The following RBFOX3 variants were observed in gnomAD, a reference collection of about 807,000 sequenced individuals.
RBFOX3 encodes the protein RNA binding fox-1 homolog 3, also known as RNA binding protein fox-1 homolog 3.
Under a neutral mutation model 48.7 loss-of-function variants are expected in RBFOX3, and 17 were observed. That is an observed-to-expected ratio of 0.35 (90% CI 0.24 to 0.52). The LOEUF (loss-of-function observed/expected upper bound fraction) is 0.52. Ranked by LOEUF, RBFOX3 falls within the 20% of genes least tolerant of loss-of-function variation. RBFOX3 has a pLI of 0.94. For synonymous variants in RBFOX3, 212 were observed against 209.5 expected (o/e 1.01, Z -0.10); for missense variants, 382 against 497.5 (o/e 0.77, Z 2.21).
the RBFOX3 span, among the ~76,000 whole-genome samples, chr17:79,651,461 C>T: frequency 5.9e-5 from 9 of 152,224 alleles, no homozygotes; most frequent in South Asian, 2.1e-4. Context: ...GTGACACCCC[C>T]GGGCCGTCCC....
rs1381110715 is a variant in RBFOX3 at position 79,205,894 on chromosome 17, C to T, written c.-34+29872G>A. ...CTTTTACATAGGAAGGACAGCAATA[C>T]ACATTTCCTATCTTGCTGCAAGGCT... On this transcript the variant is annotated intron_variant, in intron 4 of 14. Transcript: ENST00000693108. This position sits in a 1 kb window ranked among gnomAD's most constrained non-coding sequence, Gnocchi z 4.5. Among the ~76,000 whole-genome samples the T allele has an allele frequency of 6.7e-6, 1 of 149,998 alleles. No individual in the cohort carries two copies. Among genetic ancestry groups the T allele is most frequent in the Non-Finnish European group, 1.5e-5 (1 of 67,786 alleles).
intron 4 of RBFOX3, among the ~76,000 whole-genome samples, chr17:79,194,140 C>T (rs2055068334): frequency 6.6e-6 from 1 of 152,192 alleles, no homozygotes; most frequent in South Asian, 2.1e-4. Flanking sequence ...ATGTTGCTCT[C>T]CTTTCACATG....
chr17:79,180,795 C>T lies in RBFOX3; in HGVS notation c.-34+54971G>A, dbSNP rs148890625. On this transcript the variant is annotated intron_variant, in intron 4 of 14. Transcript: ENST00000693108. ...GTCCACCGAGACACATGGCCAACCA[C>T]CCCAGCAGAACAGCCGCGGGCGAGG... Among the ~76,000 whole-genome samples, 322 of 152,192 alleles carry T rather than the reference C, an allele frequency of 2.1e-3. 1 individual carries two copies. Among genetic ancestry groups the T allele is most frequent in the African/African-American group, 7.0e-3 (290 of 41,520 alleles).
chr17:79,147,377 A>T (rs776214513), intron 4 of RBFOX3, among the ~76,000 whole-genome samples: 1 of 152,232 alleles, frequency 6.6e-6, no homozygotes, highest in African/African-American at 2.4e-5. Context: ...ACTAGGGAAC[A>T]TCAGAGTTGG....
chr17:79,097,463 A>C (rs1045382162), intron 10 of RBFOX3, 39 bp from the exon 11 acceptor site: 4 of 1,506,230 alleles, frequency 2.7e-6, no homozygotes, highest in Non-Finnish European at 3.6e-6. Context: ...TGAGAGGCAC[A>C]AGGGGACCCA....
rs567855979 is a variant in RBFOX3 at position 79,206,690 on chromosome 17, C to G, written c.-34+29076G>C. 2.0e-5 allele frequency among the ~76,000 whole-genome samples: 3 copies of G among 152,284 alleles called. No individual in the cohort carries two copies. In the South Asian group the frequency reaches 6.2e-4, roughly 32 times the overall value. On this transcript the variant is annotated intron_variant, in intron 4 of 14. Coordinates refer to ENST00000693108, the MANE Select transcript of RBFOX3 (RefSeq NM_001350451.2). ...TCCAGGCCACCACTGCTCAGCTGTC[C>G]CCTGGCAGGAACAAACCTGAATGTG...
At chr17:79,571,530 C>A (rs931853548) in intron 1 of RBFOX3, among the ~76,000 whole-genome samples, 2 of 136,400 alleles carry the variant, frequency 1.5e-5, no homozygotes, top group African/African-American at 2.7e-5. Context: ...CCCCGCCCCC[C>A]CAACCACTCT....
intron 4 of RBFOX3, among the ~76,000 whole-genome samples, chr17:79,188,664 T>A (rs1402857066): frequency 6.6e-6 from 1 of 152,182 alleles, no homozygotes; most frequent in Non-Finnish European, 1.5e-5. Context: ...TGCCGCTCAC[T>A]CTGCTCCTTC....
chr17:79,651,380 A>G, the RBFOX3 span, among the ~76,000 whole-genome samples: 1 of 152,274 alleles, frequency 6.6e-6, no homozygotes, highest in African/African-American at 2.4e-5. Context: ...AACAGCAACC[A>G]AAACAACAGA....
At chr17:79,465,698 C>A (rs1420894228) in intron 2 of RBFOX3, among the ~76,000 whole-genome samples, 2 of 152,234 alleles carry the variant, frequency 1.3e-5, no homozygotes, top group Non-Finnish European at 2.9e-5. Flanking sequence ...GCCTGGAGGG[C>A]TCCCGTCGGG....
At chr17:79,097,667 A>ACCCCCCC in intron 10 of RBFOX3, 25 bp downstream of exon 10, 1 of 1,031,804 alleles carries the variant, frequency 9.7e-7, no homozygotes, top group Non-Finnish European at 1.3e-6. Context: ...GTCTCATCCC[A>ACCCCCCC]TCCCCGCCCC....
At chr17:79,472,459 A>G (rs1310731080) in intron 2 of RBFOX3, among the ~76,000 whole-genome samples, 8 of 152,164 alleles carry the variant, frequency 5.3e-5, no homozygotes, top group African/African-American at 1.4e-4. Flanking sequence ...GGTGGGCCTC[A>G]TCCACTCTGA....
chr17:79,423,194 C>A lies in RBFOX3; in HGVS notation c.-175+59260G>T, dbSNP rs10445220. ...TGTCTTGGCGTCACATGTCCAAAAC[C>A]AAACTCCTCACGTCCTGCGGTCTCC... is the stretch of plus-strand genomic sequence containing the variant. On this transcript the variant is annotated intron_variant, in intron 2 of 14. Coordinates refer to ENST00000693108, the MANE Select transcript of RBFOX3 (RefSeq NM_001350451.2). This position sits in a 1 kb window ranked among gnomAD's most constrained non-coding sequence, Gnocchi z 4.9. Among the ~76,000 whole-genome samples the A allele has an allele frequency of 0.13, 19,582 of 152,218 alleles. 1,302 individuals are homozygous for A. Among genetic ancestry groups the A allele is most frequent in the Admixed American group, 0.17 (2,605 of 15,296 alleles).
chr17:79,155,749 G>T (rs2045637980), intron 4 of RBFOX3, among the ~76,000 whole-genome samples: 1 of 152,084 alleles, frequency 6.6e-6, no homozygotes, highest in South Asian at 2.1e-4. Context: ...GAGGGTGGGT[G>T]GTGGGAGTCC....
At chr17:79,259,081 C>T (rs911288915) in intron 3 of RBFOX3, among the ~76,000 whole-genome samples, 3 of 151,902 alleles carry the variant, frequency 2.0e-5, no homozygotes, top group African/African-American at 7.2e-5. Flanking sequence ...AATTCTCTTT[C>T]CCTTATAATT....
At chr17:79,156,776 C>T (rs891673347) in intron 4 of RBFOX3, among the ~76,000 whole-genome samples, 4 of 152,272 alleles carry the variant, frequency 2.6e-5, no homozygotes, top group East Asian at 1.9e-4. Context: ...GCTGGCTGGC[C>T]GGCCCCTGAG....
intron 2 of RBFOX3, among the ~76,000 whole-genome samples, chr17:79,356,203 G>A (rs2084947998): frequency 6.6e-6 from 1 of 152,196 alleles, no homozygotes; most frequent in African/African-American, 2.4e-5. Flanking sequence ...GAAACTTGGA[G>A]AGGCATGTTC....
At chr17:79,104,805 G>A (rs2077067119) in intron 6 of RBFOX3, among the ~76,000 whole-genome samples, 1 of 152,100 alleles carries the variant, frequency 6.6e-6, no homozygotes, top group Non-Finnish European at 1.5e-5. Flanking sequence ...AGGTTGGGCA[G>A]GGGGAAAATG....
At chr17:79,524,011 T>C (rs1046959207) in intron 1 of RBFOX3, among the ~76,000 whole-genome samples, 9,499 of 152,210 alleles carry the variant, frequency 0.062, 577 homozygotes, top group African/African-American at 0.16. Flanking sequence ...CCTCTTGTTG[T>C]TCTTCCCTTC....
Sources: allele counts gnomAD v4.1 joint callset (sites outside exome capture counted in the v4.1 genomes callset), GRCh38; gene constraint gnomAD v4.1.1; non-coding constraint Gnocchi (gnomAD v3.1); transcripts MANE v1.5; gene names NCBI Gene and HGNC (gene_info 2026-07-23, HGNC 2026-07-21).